Variants in GRID2IP observed in about 807,000 individuals in gnomAD.
GRID2IP encodes the protein Grid2 interacting protein.
A neutral mutation model predicts 114.3 loss-of-function variants in GRID2IP; 78 were observed. That is an observed-to-expected ratio of 0.68 (90% CI 0.57 to 0.82). The LOEUF (loss-of-function observed/expected upper bound fraction) is 0.82, where lower values mean the gene tolerates loss of function less well. GRID2IP is among the 40% of genes least tolerant of loss of function. The pLI, the probability that GRID2IP is intolerant of heterozygous loss-of-function variation, is 0.00. For synonymous variants in GRID2IP, 809 were observed against 724.0 expected (o/e 1.12, Z -1.89); for missense variants, 1,727 against 1,678.5 (o/e 1.03, Z -0.51).
In GRID2IP at chr7:6,506,683, T is replaced by TG. The variant is rs1786601606; in HGVS notation, c.2545-777_2545-776insC. Among the ~76,000 whole-genome samples, 1 of 146,054 alleles carries TG rather than the reference T, an allele frequency of 6.8e-6. No individual in the cohort carries two copies. Among genetic ancestry groups the TG allele is most frequent in the South Asian group, 2.4e-4 (1 of 4,174 alleles). On this transcript the variant is annotated intron_variant, in intron 13 of 21. Coordinates refer to ENST00000457091, the MANE Select transcript of GRID2IP (RefSeq NM_001145118.2). The surrounding 1 kb of genome is among the most constrained non-coding windows in gnomAD (Gnocchi z 5.2). ...TTGTGCCCTTGTCTCACTGAGGTAT[T>TG]TTTTTTTTTTTTTTTTTAGATAGGG... is the stretch of plus-strand genomic sequence containing the variant.
chr7:6,512,808 G>C (rs569276499), intron 8 of GRID2IP, among the ~76,000 whole-genome samples: 13 of 152,164 alleles, frequency 8.5e-5, no homozygotes, highest in African/African-American at 3.1e-4. Context: ...ACCGCGCACG[G>C]CCACCCCTGG....
intron 1 of GRID2IP, among the ~76,000 whole-genome samples, chr7:6,543,548 C>A (rs1779844053): frequency 6.6e-6 from 1 of 152,060 alleles, no homozygotes; most frequent in Admixed American, 6.6e-5. Flanking sequence ...TTCCTGGCCA[C>A]CCTGTCAAAG....
At chr7:6,515,921 A>AC (rs1779287506) in intron 7 of GRID2IP, among the ~76,000 whole-genome samples, 1 of 149,638 alleles carries the variant, frequency 6.7e-6, no homozygotes, top group African/African-American at 2.5e-5. Context: ...ACGTGGTGAA[A>AC]CCCCCTCTCT....
chr7:6,526,859 C>G lies in GRID2IP; in HGVS notation c.585-90G>C. 7.5e-7 allele frequency: 1 copy of G among 1,327,292 alleles called. No homozygotes were observed. Among genetic ancestry groups the G allele is most frequent in the South Asian group, 1.6e-5 (1 of 64,122 alleles). 82.2% of individuals were successfully genotyped at this position (1,327,292 alleles called of 1,614,324 possible). On this transcript the variant is annotated intron_variant, in intron 2 of 21. Coordinates refer to ENST00000457091, the MANE Select transcript of GRID2IP (RefSeq NM_001145118.2). The surrounding 1 kb of genome is among the most constrained non-coding windows in gnomAD (Gnocchi z 7.6). ...CGAAGGCGCGTCCTCGCGGGCGCCGCCCTAGGCTCTCCCACCTCTTCCTAG... is the reference window on the plus strand; with the variant it reads ...CGAAGGCGCGTCCTCGCGGGCGCCGGCCTAGGCTCTCCCACCTCTTCCTAG...
In GRID2IP at chr7:6,510,933, C is replaced by T. The variant is rs1321116858; in HGVS notation, c.1530G>A (p.Gln510=). The change falls in exon 9 of 22, where the codon CAG becomes CAA. Residue 510 remains glutamine, a synonymous_variant. Transcript: ENST00000457091. The stretch of plus-strand genomic sequence containing the variant: ...CGCAGCTGAGGCCGGCCTCCAGGCC[C>T]TGGGACCGGAGGCTGCGGCGGCACA... ...SSMCRRSLRS[Q]GLEAGLSCGP... 1 of 1,549,596 alleles carries T rather than the reference C, an allele frequency of 6.5e-7. No individual in the cohort carries two copies. Among genetic ancestry groups the T allele is most frequent in the South Asian group, 1.2e-5 (1 of 83,998 alleles).
chr7:6,500,823 C>A (rs1457289693), intron 20 of GRID2IP, among the ~76,000 whole-genome samples: 1 of 152,238 alleles, frequency 6.6e-6, no homozygotes, highest in Non-Finnish European at 1.5e-5. Context: ...TCTTTCCTGT[C>A]TTCCCATCTG....
Position 6,508,855 on chromosome 7 carries a change from C to G in GRID2IP, c.2127+103G>C. On this transcript the variant is annotated intron_variant, in intron 12 of 21. Coordinates refer to ENST00000457091, the MANE Select transcript of GRID2IP (RefSeq NM_001145118.2). The surrounding 1 kb of genome is among the most constrained non-coding windows in gnomAD (Gnocchi z 5.6). Reference sequence around the variant, plus strand: ...GGAGTGGGATAGCCTGGGGAAGATCCCAAGGGCAGCAGGCCCCTTGCGGGA... The same window carrying G: ...GGAGTGGGATAGCCTGGGGAAGATCGCAAGGGCAGCAGGCCCCTTGCGGGA... The G allele has an allele frequency of 6.8e-7, 1 of 1,462,286 alleles. No individual in the cohort carries two copies. Among genetic ancestry groups the G allele is most frequent in the Non-Finnish European group, 9.0e-7 (1 of 1,107,784 alleles). The allele number at this position is 1,462,286 out of a possible 1,614,324, so 90.6% of individuals were successfully genotyped here.
At chr7:6,540,961 C>T (rs1481451831) in intron 1 of GRID2IP, among the ~76,000 whole-genome samples, 3 of 152,048 alleles carry the variant, frequency 2.0e-5, no homozygotes, top group Non-Finnish European at 4.4e-5. Context: ...TTTAGCCTCC[C>T]GAGTAGCTGG....
intron 13 of GRID2IP, 91 bp from the exon 14 acceptor site, chr7:6,505,998 G>C (rs1194213782): frequency 3.7e-6 from 3 of 806,948 alleles, no homozygotes; most frequent in Non-Finnish European, 6.1e-6. Flanking sequence ...TGCCATAGGG[G>C]CTTCCCGAGC....
At chr7:6,539,914 G>A (rs1779787318) in intron 1 of GRID2IP, 42 bp from the exon 2 acceptor site, 7 of 1,520,326 alleles carry the variant, frequency 4.6e-6, no homozygotes, top group Middle Eastern at 3.4e-4. Context: ...GGGATCCAGA[G>A]TGGAACCCTG....
rs910407345 is a variant in GRID2IP at position 6,539,777 on chromosome 7, C to T, written c.525G>A (p.Val175=). The T allele has an allele frequency of 1.3e-6, 2 of 1,550,474 alleles. No homozygotes were observed. Among genetic ancestry groups the T allele is most frequent in the Non-Finnish European group, 8.7e-7 (1 of 1,146,980 alleles). Residue 175 remains valine (V), a synonymous_variant, in exon 2 of 22, where the codon GTG becomes GTA. Transcript: ENST00000457091. ...GGGGCAGCGCCAGGGTGAGAGTCCA[C>T]ACCAGATCATCCACCCGCTGCTCAG... ...FAAEQRVDDL[V]WTLTLALPRE... is the part of the protein sequence containing the mutation.
chr7:6,513,773 C>G (rs1779230027), intron 8 of GRID2IP, among the ~76,000 whole-genome samples: 1 of 152,054 alleles, frequency 6.6e-6, no homozygotes, highest in Admixed American at 6.6e-5. Flanking sequence ...GGGAGGGGCC[C>G]AAATCGGCTG....
chr7:6,515,560 C>A (rs540255105), intron 7 of GRID2IP, among the ~76,000 whole-genome samples: 7 of 151,654 alleles, frequency 4.6e-5, no homozygotes, highest in Non-Finnish European at 7.4e-5. Flanking sequence ...GGCGAATCAT[C>A]TGAGGTCGGG....
At position 6,510,943 on chromosome 7, in the gene GRID2IP, A is replaced by G; in HGVS notation, c.1520T>C (p.Leu507Pro). The change falls in exon 9 of 22, where the codon CTC becomes CCC. Residue 507 changes from leucine (L) to proline (P), a missense_variant. Physicochemically the swap from Leu to Pro is moderately conservative, Grantham distance 98 (BLOSUM62 -3). Transcript: ENST00000457091. ...LRASSMCRRS[L>P]RSQGLEAGLS... ...GCCGGCCTCCAGGCCCTGGGACCGGAGGCTGCGGCGGCACATGGAGGAAGC... is the reference window on the plus strand; with the variant it reads ...GCCGGCCTCCAGGCCCTGGGACCGGGGGCTGCGGCGGCACATGGAGGAAGC... 2 of 1,549,120 alleles carry G rather than the reference A, an allele frequency of 1.3e-6. No homozygotes were observed. Among genetic ancestry groups the G allele is most frequent in the South Asian group, 2.4e-5 (2 of 83,992 alleles).
chr7:6,504,292 C>T (rs1016340409), intron 15 of GRID2IP, among the ~76,000 whole-genome samples: 7 of 151,274 alleles, frequency 4.6e-5, no homozygotes, highest in African/African-American at 1.7e-4. Flanking sequence ...GAGGGCGGGG[C>T]CCAGCAGGGA....
intron 20 of GRID2IP, among the ~76,000 whole-genome samples, 189 bp downstream of exon 20, chr7:6,501,592 C>CTCAA (rs373342485): frequency 1.6e-4 from 25 of 152,152 alleles, no homozygotes; most frequent in South Asian, 1.2e-3. Flanking sequence ...GAGACCCTGC[C>CTCAA]TCAATCAATC....
chr7:6,498,245 A>G lies in GRID2IP; in HGVS notation c.3400-17T>C. 3 of 1,526,594 alleles carry G rather than the reference A, an allele frequency of 2.0e-6. No homozygotes were observed. Among genetic ancestry groups the G allele is most frequent in the Non-Finnish European group, 2.6e-6 (3 of 1,136,588 alleles). The allele number at this position is 1,526,594 out of a possible 1,614,324, so 94.6% of individuals were successfully genotyped here. Reference sequence around the variant, plus strand: ...CAGGAAGGACTGACAGGCCTCAGTTAAGGAAACAGCCAGCCCGCTTGTGCC... The same window carrying G: ...CAGGAAGGACTGACAGGCCTCAGTTGAGGAAACAGCCAGCCCGCTTGTGCC... On this transcript the variant is annotated splice_polypyrimidine_tract_variant and intron_variant, in intron 20 of 21. Transcript: ENST00000457091.
At position 6,508,559 on chromosome 7, in the gene GRID2IP, T is replaced by G. The variant is rs1233434590; in HGVS notation, c.2128-158A>C. ...GGGACACCTGGGCTAAGGATAGGAC[T>G]GTCTCACAGGTTAACCTCAGGCTGT... is the stretch of plus-strand genomic sequence containing the variant. On this transcript the variant is annotated intron_variant, in intron 12 of 21. Transcript: ENST00000457091. The surrounding 1 kb of genome is among the most constrained non-coding windows in gnomAD (Gnocchi z 5.6). Among the ~76,000 whole-genome samples, 1 of 151,684 alleles carries G rather than the reference T, an allele frequency of 6.6e-6. No homozygotes were observed. Among genetic ancestry groups the G allele is most frequent in the Non-Finnish European group, 1.5e-5 (1 of 67,926 alleles).
At chr7:6,533,586 A>G (rs1466498661) in intron 2 of GRID2IP, among the ~76,000 whole-genome samples, 1 of 150,336 alleles carries the variant, frequency 6.7e-6, no homozygotes, top group Admixed American at 6.6e-5. Context: ...CTGGTCTTCA[A>G]CTCCTGGCCT....
Sources: gnomAD v4.1 joint callset for allele counts (sites outside exome capture counted in the v4.1 genomes callset) on GRCh38, gnomAD v4.1.1 for gene constraint, Gnocchi (gnomAD v3.1) non-coding constraint, MANE v1.5 for transcripts, NCBI Gene and HGNC (gene_info 2026-07-23, HGNC 2026-07-21) for gene names.